PLCD4: variants seen among roughly 807,000 people sequenced by gnomAD.
PLCD4 encodes the protein phospholipase C delta 4.
A neutral mutation model predicts 90.2 loss-of-function variants in PLCD4; 63 were observed. That is an observed-to-expected ratio of 0.70 (90% confidence interval 0.57 to 0.86). The LOEUF (loss-of-function observed/expected upper bound fraction) is 0.86. PLCD4 is among the 40% of genes least tolerant of loss of function. The probability of loss-of-function intolerance (pLI) is 0.00; values close to 1 mark genes in which losing one functional copy is unlikely to be tolerated. For missense variants in PLCD4, 830 were observed against 956.3 expected, an observed-to-expected ratio of 0.87 and a Z score of 1.74; for synonymous variants, 294 against 356.5, an observed-to-expected ratio of 0.82 and a Z score of 1.97.
At chr2:218,617,868 CGAGGTCAG>C (rs1172120682) in intron 3 of PLCD4, among the ~76,000 whole-genome samples, 1 of 152,044 alleles carries the variant, frequency 6.6e-6, no homozygotes, top group Non-Finnish European at 1.5e-5. Flanking sequence ...GGGTGGATCA[CGAGGTCAG>C]GAGATTGAGA....
At chr2:218,611,576 C>CT (rs1189910250) in intron 1 of PLCD4, among the ~76,000 whole-genome samples, 6 of 152,156 alleles carry the variant, frequency 3.9e-5, no homozygotes, top group Admixed American at 3.9e-4. Context: ...CCAATTCACT[C>CT]TCCTAGAGTC....
At chr2:218,622,966 C>T (rs1057436156) in intron 6 of PLCD4, 88 bp downstream of exon 6, 6 of 1,203,014 alleles carry the variant, frequency 5.0e-6, no homozygotes, top group Non-Finnish European at 7.1e-6. Context: ...AGCCATCTGC[C>T]TGAGAGAAGG....
chr2:218,620,781 C>G (rs1695835931), intron 4 of PLCD4, among the ~76,000 whole-genome samples: 1 of 150,296 alleles, frequency 6.7e-6, no homozygotes, highest in African/African-American at 2.5e-5. Flanking sequence ...GTAATCTCAG[C>G]TACTCAGGAG....
In PLCD4 at chr2:218,636,950, T is replaced by G; in HGVS notation, c.*373T>G. The G allele has an allele frequency of 2.2e-6, 1 of 458,128 alleles. No homozygotes were observed. The highest frequency in any genetic ancestry group is 1.6e-5 in the South Asian group (1 of 64,422). The allele number at this position is 458,128 out of a possible 1,614,324, so 28.4% of individuals were successfully genotyped here. A position where few individuals can be genotyped will look rare whatever the true frequency, so the allele number is the denominator to read the frequency against. On this transcript the variant is annotated 3_prime_UTR_variant, in exon 16 of 16. Transcript: ENST00000450993. ...ACTAGAAATTCAGAGGGGCTTGGAA[T>G]AGAGAAACCTAAAGAAGCATCATCC... is the stretch of plus-strand genomic sequence containing the variant.
In PLCD4 at chr2:218,628,018, C is replaced by T; in HGVS notation, c.773-11C>T. On this transcript the variant is annotated splice_polypyrimidine_tract_variant and intron_variant, in intron 6 of 15. Coordinates refer to ENST00000450993, the MANE Select transcript of PLCD4 (RefSeq NM_032726.4). ...AGCTTCTCACCTAGTGTTCCCCTGT[C>T]CACACTCCAGGCAAACTGCGGCATG... 1.2e-6 allele frequency: 2 copies of T among 1,608,696 alleles called. No homozygotes were observed. The highest frequency in any genetic ancestry group is 1.7e-6 in the Non-Finnish European group (2 of 1,176,616).
intron 1 of PLCD4, among the ~76,000 whole-genome samples, chr2:218,608,450 A>G (rs954518585): frequency 6.6e-6 from 1 of 152,190 alleles, no homozygotes; most frequent in Non-Finnish European, 1.5e-5. Context: ...TTGGCCAAGA[A>G]CCATGGGGAA....
rs564279019 is a variant in PLCD4, at chr2:218,622,306, C to T, written c.541-341C>T. ...TTAATTCTTTCTAGTTGAAAATTTT[C>T]TCTAGTAGCAAATGGTATGGCTAAA... On this transcript the variant is annotated intron_variant, in intron 5 of 15. Transcript: ENST00000450993. 2.2e-4 allele frequency: 36 copies of T among 165,790 alleles called. No individual in the cohort carries two copies. The South Asian group carries it at 6.2e-3, about 28-fold the overall frequency. 10.3% of individuals were successfully genotyped at this position (165,790 alleles called of 1,614,324 possible).
chr2:218,636,705 A>G lies in PLCD4; in HGVS notation c.*128A>G. ...TGGATTGTGCATTCCTAGGCACAAA[A>G]TTACCTCATTCTTCCTAACAAGCAA... is the stretch of plus-strand genomic sequence containing the variant. On this transcript the variant is annotated 3_prime_UTR_variant, in exon 16 of 16. Transcript: ENST00000450993. 9 of 979,810 alleles carry G rather than the reference A, an allele frequency of 9.2e-6. No homozygotes were observed. Among genetic ancestry groups the G allele is most frequent in the Non-Finnish European group, 1.4e-5 (9 of 651,066 alleles). The allele number at this position is 979,810 out of a possible 1,614,324, so 60.7% of individuals were successfully genotyped here. A position where few individuals can be genotyped will look rare whatever the true frequency, so the allele number is the denominator to read the frequency against.
At chr2:218,621,303 G>A (rs1410198746) in intron 4 of PLCD4, among the ~76,000 whole-genome samples, 167 bp from the exon 5 acceptor site, 1 of 152,240 alleles carries the variant, frequency 6.6e-6, no homozygotes, top group African/African-American at 2.4e-5. Context: ...TGACAAGATA[G>A]ATTGGTGCTC....
intron 1 of PLCD4, among the ~76,000 whole-genome samples, chr2:218,612,144 G>T (rs563702633): frequency 6.6e-6 from 1 of 151,766 alleles, no homozygotes; most frequent in East Asian, 1.9e-4. Context: ...TCTTGACTTT[G>T]TGATCCACCC....
chr2:218,630,519 G>C lies in PLCD4; in HGVS notation c.1120-131G>C. On this transcript the variant is annotated intron_variant, in intron 8 of 15. Coordinates refer to ENST00000450993, the MANE Select transcript of PLCD4 (RefSeq NM_032726.4). Reference sequence around the variant, plus strand: ...AGATCTCACTGAATCCTATAATGGAGTTGGAAGAGTTTAGTGATCAGGGTA... The same window carrying C: ...AGATCTCACTGAATCCTATAATGGACTTGGAAGAGTTTAGTGATCAGGGTA... The C allele has an allele frequency of 6.7e-6, 7 of 1,041,064 alleles. No individual in the cohort carries two copies. The South Asian group carries it at 1.0e-4, about 15-fold the overall frequency. 64.5% of individuals were successfully genotyped at this position (1,041,064 alleles called of 1,614,324 possible).
rs1284139148 is a variant in PLCD4 at position 218,628,116 on chromosome 2, C to G, written c.860C>G (p.Pro287Arg). The change falls in exon 7 of 16, where the codon CCC (proline) becomes CGC (arginine). Residue 287 changes from proline to arginine, a missense_variant. Coordinates refer to ENST00000450993, the MANE Select transcript of PLCD4 (RefSeq NM_032726.4). ...DGDIFNPACL[P>R]IYQDMTQPLN... ...GACATCTTCAACCCAGCCTGCCTCC[C>G]CATCTATCAGGATATGACTCAACCC... is the stretch of plus-strand genomic sequence containing the variant. The G allele has an allele frequency of 6.2e-7, 1 of 1,614,006 alleles. No homozygotes were observed. The highest frequency in any genetic ancestry group is 8.5e-7 in the Non-Finnish European group (1 of 1,179,864).
chr2:218,631,159 C>T lies in PLCD4; in HGVS notation c.1272+357C>T, dbSNP rs534306529. Among the ~76,000 whole-genome samples, 20 of 152,100 alleles carry T rather than the reference C, an allele frequency of 1.3e-4. No homozygotes were observed. The East Asian group carries it at 1.6e-3, about 12-fold the overall frequency. On this transcript the variant is annotated intron_variant, in intron 9 of 15. Coordinates refer to ENST00000450993, the MANE Select transcript of PLCD4 (RefSeq NM_032726.4). Reference sequence around the variant, plus strand: ...AACCTCTCCCATAACAAGCAGCTATCGATAGATTTTTTTGTTTTTTTTGAG... The same window carrying T: ...AACCTCTCCCATAACAAGCAGCTATTGATAGATTTTTTTGTTTTTTTTGAG...
Position 218,628,124 on chromosome 2 carries a change from C to G in PLCD4, c.868C>G (p.Gln290Glu). Residue 290 changes from glutamine to glutamate, a missense_variant, in exon 7 of 16, where the codon CAG becomes GAG. Physicochemically the swap from Gln to Glu is conservative, Grantham distance 29 (BLOSUM62 2). Transcript: ENST00000450993. ...CAACCCAGCCTGCCTCCCCATCTAT[C>G]AGGATATGACTCAACCCCTGAACCA... ...IFNPACLPIY[Q>E]DMTQPLNHYF... The G allele has an allele frequency of 1.2e-6, 2 of 1,613,992 alleles. No homozygotes were observed. Among genetic ancestry groups the G allele is most frequent in the Non-Finnish European group, 1.7e-6 (2 of 1,179,848 alleles).
In PLCD4 at chr2:218,618,593, G is replaced by A. The variant is rs904819009; in HGVS notation, c.196G>A (p.Val66Met). 1.2e-6 allele frequency: 2 copies of A among 1,613,992 alleles called. No individual in the cohort carries two copies. Among genetic ancestry groups the A allele is most frequent in the African/African-American group, 1.3e-5 (1 of 75,068 alleles). Residue 66 changes from valine (V) to methionine (M), a missense_variant, in exon 4 of 16, where the codon GTG becomes ATG. Physicochemically the swap from Val to Met is conservative, Grantham distance 21. Coordinates refer to ENST00000450993, the MANE Select transcript of PLCD4 (RefSeq NM_032726.4). Reference sequence around the variant, plus strand: ...TTCTCTGGCAGTCTCAATCTCTGATGTGGAGACAATACGTAATGGCCATGA... The same window carrying A: ...TTCTCTGGCAGTCTCAATCTCTGATATGGAGACAATACGTAATGGCCATGA... ...SAKPSFSISD[V>M]ETIRNGHDSE...
chr2:218,628,253 G>A (rs1696202683), intron 7 of PLCD4, 23 bp downstream of exon 7: 1 of 1,605,484 alleles, frequency 6.2e-7, no homozygotes, highest in African/African-American at 1.3e-5. Flanking sequence ...TAGAGAAGGG[G>A]TCCAACTCAT....
intron 6 of PLCD4, among the ~76,000 whole-genome samples, chr2:218,623,806 C>T (rs1302695568): frequency 6.6e-6 from 1 of 152,210 alleles, no homozygotes; most frequent in Non-Finnish European, 1.5e-5. Context: ...CCTTAGCCTC[C>T]CGAGTAGCTG....
At position 218,634,158 on chromosome 2, in the gene PLCD4, G is replaced by A. The variant is rs369726189; in HGVS notation, c.1660G>A (p.Gly554Ser). The A allele has an allele frequency of 8.7e-6, 14 of 1,612,682 alleles. No individual in the cohort carries two copies. Among genetic ancestry groups the A allele is most frequent in the South Asian group, 2.2e-5 (2 of 90,720 alleles). The stretch of plus-strand genomic sequence containing the variant: ...GCAGTTAAGCCGTGTGTATCCCAGC[G>A]GCCTGAGGACAGACTCTTCCAACTA... ...TWQLSRVYPSGLRTDSSNYNP... is the reference protein window; with the variant it reads ...TWQLSRVYPSSLRTDSSNYNP... The change falls in exon 12 of 16, where the codon GGC (glycine) becomes AGC (serine). Residue 554 changes from glycine to serine, a missense_variant. Physicochemically the swap from Gly to Ser is moderately conservative, Grantham distance 56. Coordinates refer to ENST00000450993, the MANE Select transcript of PLCD4 (RefSeq NM_032726.4). The surrounding 1 kb of genome is among the most constrained non-coding windows in gnomAD (Gnocchi z 4.0).
At chr2:218,616,141 C>A (rs1177721440) in intron 3 of PLCD4, 79 bp downstream of exon 3, 2 of 1,503,614 alleles carry the variant, frequency 1.3e-6, no homozygotes, top group Non-Finnish European at 1.8e-6. Context: ...GGACCAAAGT[C>A]CTACGATAGT....
Sources: allele counts gnomAD v4.1 joint callset (sites outside exome capture counted in the v4.1 genomes callset), GRCh38; gene constraint gnomAD v4.1.1; non-coding constraint Gnocchi (gnomAD v3.1); transcripts MANE v1.5; gene names NCBI Gene and HGNC (gene_info 2026-07-23, HGNC 2026-07-21).